The following KIF26B variants were observed in gnomAD, a reference collection of about 807,000 sequenced individuals.
KIF26B encodes the protein kinesin-like protein KIF26B.
Under a neutral mutation model 151.2 loss-of-function variants are expected in KIF26B, and 63 were observed. The observed-to-expected ratio is 0.42, with a 90% CI of 0.34 to 0.51. The LOEUF is 0.51. Among genes scored for constraint, KIF26B ranks in the 20% least tolerant of loss-of-function variants. KIF26B has a pLI of 0.07. For missense variants in KIF26B, 2,813 were observed against 2,913.6 expected, an observed-to-expected ratio of 0.97 and a Z score of 0.79; for synonymous variants, 1,357 against 1,262.1, an observed-to-expected ratio of 1.08 and a Z score of -1.59.
Position 245,597,730 on chromosome 1 carries a change from A to G in KIF26B, c.1351-4847A>G, listed in dbSNP as rs542639093. 6.6e-6 allele frequency among the ~76,000 whole-genome samples: 1 copy of G among 152,342 alleles called. No individual in the cohort carries two copies. The highest frequency in any genetic ancestry group is 2.1e-4 in the South Asian group (1 of 4,826). ...ATAATATCCTGAAGAGTGGTTTCCA[A>G]CTTGGTTCCATTCTCCCTATCACTT... On this transcript the variant is annotated intron_variant, in intron 5 of 14. Transcript: ENST00000407071. This position sits in a 1 kb window ranked among gnomAD's most constrained non-coding sequence, Gnocchi z 4.6.
chr1:245,184,050 G>GTTTTTTTTT (rs758993117), intron 2 of KIF26B, among the ~76,000 whole-genome samples: 314 of 19,672 alleles, frequency 0.016, 62 homozygotes, highest in Non-Finnish European at 0.025. Flanking sequence ...GGGAGTTGTT[G>GTTTTTTTTT]TTTTTTTTTT....
At chr1:245,435,169 A>G (rs1159353900) in intron 4 of KIF26B, among the ~76,000 whole-genome samples, 1 of 151,902 alleles carries the variant, frequency 6.6e-6, no homozygotes, top group Non-Finnish European at 1.5e-5. Flanking sequence ...CCATCCATCC[A>G]TCCACCCACC....
At chr1:245,453,246 T>C (rs1423830651) in intron 4 of KIF26B, among the ~76,000 whole-genome samples, 1 of 152,126 alleles carries the variant, frequency 6.6e-6, no homozygotes, top group African/African-American at 2.4e-5. Flanking sequence ...CTGAATTACC[T>C]TGGACTAAGA....
intron 2 of KIF26B, among the ~76,000 whole-genome samples, chr1:245,180,776 C>T (rs1360853394): frequency 6.6e-6 from 1 of 152,158 alleles, no homozygotes; most frequent in African/African-American, 2.4e-5. Flanking sequence ...CATTCATACA[C>T]TTGTTCGTGA....
intron 2 of KIF26B, among the ~76,000 whole-genome samples, chr1:245,312,189 C>T (rs2102982819): frequency 1.3e-5 from 2 of 152,216 alleles, no homozygotes; most frequent in Middle Eastern, 3.4e-3. Flanking sequence ...CACCTCCCTT[C>T]CCGCCAGGTA....
chr1:245,451,760 C>G (rs984448095), intron 4 of KIF26B, among the ~76,000 whole-genome samples: 4 of 151,706 alleles, frequency 2.6e-5, no homozygotes, highest in African/African-American at 9.7e-5. Flanking sequence ...CCATCATGAC[C>G]AGCTAATTTT....
chr1:245,619,126 CGTGCTGTTGGTG>C (rs1403351499), intron 9 of KIF26B, among the ~76,000 whole-genome samples: 2 of 139,138 alleles, frequency 1.4e-5, no homozygotes, highest in Non-Finnish European at 3.1e-5. Flanking sequence ...GTGTCTGCTG[CGTGCTGTTGGTG>C]AGCTTGTCCA....
rs2941279 is a variant in KIF26B, at chr1:245,244,576, C to T, written c.465+87893C>T. ...GCCCAGAAAATGAGGGGGACATTTA[C>T]GTCATGGAACACAGAGGAAGACTCA... On this transcript the variant is annotated intron_variant, in intron 2 of 14. Coordinates refer to ENST00000407071, the MANE Select transcript of KIF26B (RefSeq NM_018012.4). The surrounding 1 kb of genome is among the most constrained non-coding windows in gnomAD (Gnocchi z 4.2). Among the ~76,000 whole-genome samples, 124,753 of 152,048 alleles carry T rather than the reference C, an allele frequency of 0.82. 51,518 individuals are homozygous for T. Among genetic ancestry groups the T allele is most frequent in the South Asian group, 0.87 (4,172 of 4,814 alleles).
intron 2 of KIF26B, among the ~76,000 whole-genome samples, chr1:245,292,086 G>A (rs968181882): frequency 2.0e-5 from 3 of 152,172 alleles, no homozygotes; most frequent in Admixed American, 6.5e-5. Flanking sequence ...ATGTAGAGGC[G>A]TGCAAGGCTG....
At chr1:245,272,390 C>T (rs1360893564) in intron 2 of KIF26B, among the ~76,000 whole-genome samples, 1 of 151,876 alleles carries the variant, frequency 6.6e-6, no homozygotes, top group African/African-American at 2.4e-5. Flanking sequence ...GCAAGACCCG[C>T]CCCCTTCATC....
At chr1:245,320,634 G>A (rs949100050) in intron 2 of KIF26B, among the ~76,000 whole-genome samples, 1 of 152,024 alleles carries the variant, frequency 6.6e-6, no homozygotes, top group African/African-American at 2.4e-5. Flanking sequence ...GTGCAGTGGC[G>A]GTCAATCTAA....
At chr1:245,303,234 T>C (rs559300349) in intron 2 of KIF26B, among the ~76,000 whole-genome samples, 2 of 147,876 alleles carry the variant, frequency 1.4e-5, no homozygotes, top group South Asian at 4.3e-4. Context: ...AGTCTCGCTT[T>C]GTCGCCCAGG....
chr1:245,518,516 A>G (rs1212430395), intron 4 of KIF26B, among the ~76,000 whole-genome samples: 1 of 152,232 alleles, frequency 6.6e-6, no homozygotes, highest in Non-Finnish European at 1.5e-5. Context: ...AAAAGTCCTA[A>G]GTCGTCCCTT....
intron 2 of KIF26B, among the ~76,000 whole-genome samples, chr1:245,310,414 T>C (rs1671644006): frequency 6.6e-6 from 1 of 152,170 alleles, no homozygotes; most frequent in Non-Finnish European, 1.5e-5. Flanking sequence ...CTAATAACAT[T>C]TATGGCATAC....
chr1:245,626,720 A>G (rs1614790), intron 9 of KIF26B, among the ~76,000 whole-genome samples: 82,502 of 151,890 alleles, frequency 0.54, 23,022 homozygotes, highest in East Asian at 0.77. Flanking sequence ...GCTGTGCAGA[A>G]CGTTTTTAGT....
intron 2 of KIF26B, among the ~76,000 whole-genome samples, chr1:245,169,328 G>GGTTTGTGGGTGT (rs1668666034): frequency 7.5e-6 from 1 of 134,092 alleles, no homozygotes; most frequent in Non-Finnish European, 1.6e-5. Context: ...AACGGGCCAT[G>GGTTTGTGGGTGT]GTGTGTGTGT....
At chr1:245,387,170 T>TG (rs1417662631) in intron 3 of KIF26B, among the ~76,000 whole-genome samples, 2 of 146,238 alleles carry the variant, frequency 1.4e-5, no homozygotes, top group African/African-American at 5.2e-5. Flanking sequence ...TGTTTTTTGT[T>TG]TTTTGTTTTT....
chr1:245,229,009 C>T (rs1034608196), intron 2 of KIF26B, among the ~76,000 whole-genome samples: 1 of 152,042 alleles, frequency 6.6e-6, no homozygotes, highest in Non-Finnish European at 1.5e-5. Flanking sequence ...TTCTGTTGCC[C>T]AGGCTGGAGT....
Position 245,155,380 on chromosome 1 carries a change from T to C in KIF26B, c.-45T>C. Reference sequence around the variant, plus strand: ...TCTGGGTTGGAGGACCTTCTGGATGTAGCGTCGGTGGAACCTTTAGATACT... The same window carrying C: ...TCTGGGTTGGAGGACCTTCTGGATGCAGCGTCGGTGGAACCTTTAGATACT... On this transcript the variant is annotated 5_prime_UTR_variant, in exon 1 of 15. The change abolishes the stop of an existing upstream ORF in the 5' untranslated region. Coordinates refer to ENST00000407071, the MANE Select transcript of KIF26B (RefSeq NM_018012.4). The C allele has an allele frequency of 6.6e-7, 1 of 1,514,088 alleles. No individual in the cohort carries two copies. The highest frequency in any genetic ancestry group is 9.1e-7 in the Non-Finnish European group (1 of 1,101,612). The allele number at this position is 1,514,088 out of a possible 1,614,324, so 93.8% of individuals were successfully genotyped here.
Sources: allele counts gnomAD v4.1 joint callset (sites outside exome capture counted in the v4.1 genomes callset), GRCh38; gene constraint gnomAD v4.1.1; non-coding constraint Gnocchi (gnomAD v3.1); transcripts MANE v1.5; gene names NCBI Gene and HGNC (gene_info 2026-07-23, HGNC 2026-07-21).